Variants in UTY observed in about 807,000 individuals in gnomAD.
UTY encodes ubiquitously transcribed tetratricopeptide repeat containing, Y-linked, also known as histone demethylase UTY.
Under a neutral mutation model 32.5 loss-of-function variants are expected in UTY, and 12 were observed. The ratio of observed to expected loss-of-function variants is 0.37; its 90% CI spans 0.24 to 0.60. UTY has a LOEUF of 0.60. UTY is among the 20% of genes least tolerant of loss of function. UTY has a pLI of 0.69. For synonymous variants in UTY, 131 were observed against 103.4 expected, an observed-to-expected ratio of 1.27 and a Z score of -1.62; for missense variants, 303 against 299.2, an observed-to-expected ratio of 1.01 and a Z score of -0.09.
intron 8 of UTY, among the ~76,000 whole-genome samples, chrY:13,385,480 A>C: frequency 3.0e-5 from 1 of 33,101 alleles, no homozygotes; most frequent in South Asian, 6.8e-4. Flanking sequence ...TCGAGACTGA[A>C]GGGCAGCGAT....
In UTY at chrY:13,363,745, T is replaced by C. The variant is rs1603439566; in HGVS notation, c.866+2522A>G. On this transcript the variant is annotated intron_variant, in intron 10 of 29. Transcript: ENST00000545955. ...GGTAATTAACCTCTTTTAATGTTAC[T>C]GTATTAAGGCAAAAGCTAACAGTAT... Among the ~76,000 whole-genome samples, 7 of 34,157 alleles carry C rather than the reference T, an allele frequency of 2.0e-4. No homozygotes were observed. The East Asian group carries it at 5.3e-3, about 26-fold the overall frequency. The allele number at this position is 34,157 out of a possible 37,273, so 91.6% of individuals were successfully genotyped here. A position where few individuals can be genotyped will look rare whatever the true frequency, so the allele number is the denominator to read the frequency against.
chrY:13,239,029 T>C, intron 28 of UTY, among the ~76,000 whole-genome samples: 1 of 33,545 alleles, frequency 3.0e-5, no homozygotes, highest in Non-Finnish European at 7.4e-5. Flanking sequence ...GTAGTAATTG[T>C]AAAGAAGCTC....
intron 14 of UTY, 200 bp from the exon 15 acceptor site, chrY:13,358,169 G>A: frequency 1.3e-5 from 1 of 76,140 alleles, no homozygotes; most frequent in Non-Finnish European, 1.9e-5. Flanking sequence ...TTTAAATTAC[G>A]TCTCAAAGAG....
chrY:13,381,786 G>A, intron 8 of UTY, among the ~76,000 whole-genome samples: 2 of 33,135 alleles, frequency 6.0e-5, no homozygotes, highest in African/African-American at 1.2e-4. Context: ...TAACCCAGGT[G>A]GCATCAGAGC....
intron 27 of UTY, among the ~76,000 whole-genome samples, chrY:13,271,998 C>T (rs2056328982): frequency 3.0e-5 from 1 of 33,582 alleles, no homozygotes; most frequent in Non-Finnish European, 7.4e-5. Flanking sequence ...AAAAGCAAGC[C>T]AACAGATTCT....
intron 14 of UTY, 29 bp from the exon 15 acceptor site, chrY:13,357,998 G>T (rs1475712564): frequency 2.8e-6 from 1 of 360,593 alleles, no homozygotes; most frequent in South Asian, 3.2e-5. Flanking sequence ...AAAAGATTAA[G>T]AATATTTGCT....
chrY:13,298,090 A>G (rs764738907), intron 26 of UTY, among the ~76,000 whole-genome samples: 26 of 33,657 alleles, frequency 7.7e-4, no homozygotes, highest in African/African-American at 3.0e-3. Flanking sequence ...TATCCTTTCA[A>G]GGCCTTCATT....
intron 28 of UTY, among the ~76,000 whole-genome samples, chrY:13,257,235 C>T (rs2054823662): frequency 3.0e-5 from 1 of 33,817 alleles, no homozygotes; most frequent in Non-Finnish European, 7.3e-5. Context: ...CTGTGTTAAA[C>T]GTCATCTTTT....
chrY:13,370,041 CTG>C (rs2064721268), intron 8 of UTY, among the ~76,000 whole-genome samples: 1 of 33,827 alleles, frequency 3.0e-5, no homozygotes, highest in African/African-American at 1.1e-4. Context: ...TATAAAGTAA[CTG>C]TTTGTAATAT....
chrY:13,287,273 T>C, intron 27 of UTY: 1 of 395,916 alleles, frequency 2.5e-6, no homozygotes, highest in Non-Finnish European at 3.6e-6. Context: ...ATTTCAAACC[T>C]TCAGAAATAG....
chrY:13,285,042 G>T, intron 27 of UTY, among the ~76,000 whole-genome samples: 2 of 34,251 alleles, frequency 5.8e-5, no homozygotes, highest in Admixed American at 5.2e-4. Context: ...GCCCCTGAGG[G>T]CCATCCAGCT....
intron 27 of UTY, among the ~76,000 whole-genome samples, chrY:13,264,593 G>A (rs2055592310): frequency 3.0e-5 from 1 of 32,840 alleles, no homozygotes; most frequent in Non-Finnish European, 7.5e-5. Context: ...TATATCCTTA[G>A]CCCACTTTTT....
intron 21 of UTY, among the ~76,000 whole-genome samples, chrY:13,311,402 T>C: frequency 3.1e-5 from 1 of 32,321 alleles, no homozygotes; most frequent in Non-Finnish European, 7.6e-5. Flanking sequence ...GAGACCATCC[T>C]GGCTAACACG....
At chrY:13,470,297 C>A in intron 2 of UTY, 68 bp from the exon 3 acceptor site, 1 of 213,253 alleles carries the variant, frequency 4.7e-6, no homozygotes, top group Non-Finnish European at 7.2e-6. Context: ...TACATCTGCA[C>A]GAGATTCTTA....
At chrY:13,267,394 T>G (rs760785946) in intron 27 of UTY, among the ~76,000 whole-genome samples, 68 of 32,652 alleles carry the variant, frequency 2.1e-3, no homozygotes, top group South Asian at 0.011. Flanking sequence ...ATCTCTCTCT[T>G]TTTTTTTGAT....
At position 13,414,785 on chromosome Y, in the gene UTY, C is replaced by T. The variant is rs759984067; in HGVS notation, c.384G>A (p.Ala128=). The change falls in exon 5 of 30, where the codon GCG becomes GCA. Residue 128 remains alanine (A), a synonymous_variant. Transcript: ENST00000545955. Reference sequence around the variant, plus strand: ...AGACCAAACCAAGGCCATATAAAAACGCAGCATTCTGTTAATATAAAACAC... The same window carrying T: ...AGACCAAACCAAGGCCATATAAAAATGCAGCATTCTGTTAATATAAAACAC... ...SLQADYWKNA[A]FLYGLGLVYF... is the part of the protein sequence containing the mutation. The T allele has an allele frequency of 3.4e-5, 13 of 382,655 alleles. No individual in the cohort carries two copies. The highest frequency in any genetic ancestry group is 2.5e-4 in the Admixed American group (3 of 12,011).
At chrY:13,322,312 G>A (rs1055728465) in intron 21 of UTY, among the ~76,000 whole-genome samples, 1 of 33,220 alleles carries the variant, frequency 3.0e-5, no homozygotes, top group Non-Finnish European at 7.4e-5. Flanking sequence ...TTGAGATGAA[G>A]TCTCACTCTG....
intron 4 of UTY, among the ~76,000 whole-genome samples, chrY:13,420,833 A>G: frequency 3.0e-5 from 1 of 33,383 alleles, no homozygotes; most frequent in African/African-American, 1.2e-4. Context: ...ATGGGCAAAA[A>G]TTTCATGATA....
At chrY:13,433,075 G>A (rs2074170757) in intron 4 of UTY, among the ~76,000 whole-genome samples, 1 of 33,417 alleles carries the variant, frequency 3.0e-5, no homozygotes, top group Non-Finnish European at 7.4e-5. Context: ...ACTACTAAAA[G>A]AAAACTATAG....
Sources: allele counts gnomAD v4.1 joint callset (sites outside exome capture counted in the v4.1 genomes callset), GRCh38; gene constraint gnomAD v4.1.1; transcripts MANE v1.5; gene names NCBI Gene and HGNC (gene_info 2026-07-23, HGNC 2026-07-21).